The following SH3RF1 variants were observed in gnomAD, a reference collection of about 807,000 sequenced individuals.
SH3RF1 encodes the protein E3 ubiquitin-protein ligase SH3RF1.
SH3RF1 carries 32 observed loss-of-function variants against 74.0 expected under a neutral mutation model. The ratio of observed to expected loss-of-function variants is 0.43; its 90% CI spans 0.33 to 0.58. The LOEUF (loss-of-function observed/expected upper bound fraction) is 0.58, where lower values mean the gene tolerates loss of function less well. Ranked by LOEUF, SH3RF1 falls within the 20% of genes least tolerant of loss-of-function variation. SH3RF1 has a pLI of 0.05. For missense variants in SH3RF1, 954 were observed against 1,130.9 expected (o/e 0.84, Z 2.24); for synonymous variants, 396 against 439.6 (o/e 0.90, Z 1.24).
Position 169,153,293 on chromosome 4 carries a change from T to G in SH3RF1, c.765+2187A>C, listed in dbSNP as rs78862748. On this transcript the variant is annotated intron_variant, in intron 4 of 11. Coordinates refer to ENST00000284637, the MANE Select transcript of SH3RF1 (RefSeq NM_020870.4). ...TCTCATTCAATCTTCTCCAAACTTCTAGGAGATAACAGTTTTTGGCAGGAC... is the reference window on the plus strand; with the variant it reads ...TCTCATTCAATCTTCTCCAAACTTCGAGGAGATAACAGTTTTTGGCAGGAC... Among the ~76,000 whole-genome samples the G allele has an allele frequency of 3.3e-5, 5 of 152,252 alleles. No homozygotes were observed. The East Asian group carries it at 9.6e-4, about 29-fold the overall frequency.
intron 11 of SH3RF1, among the ~76,000 whole-genome samples, chr4:169,106,532 A>G (rs1342973081): frequency 6.6e-6 from 1 of 152,174 alleles, no homozygotes; most frequent in Non-Finnish European, 1.5e-5. Context: ...CGGAATAGAA[A>G]TAAGAAAGAA....
intron 4 of SH3RF1, among the ~76,000 whole-genome samples, chr4:169,144,092 C>T (rs1281199133): frequency 5.9e-5 from 9 of 152,120 alleles, no homozygotes; most frequent in Admixed American, 3.9e-4. Flanking sequence ...CCTAGCTGTA[C>T]AAAATGGGAA....
intron 9 of SH3RF1, among the ~76,000 whole-genome samples, chr4:169,117,072 G>A (rs1364011412): frequency 1.3e-5 from 2 of 152,040 alleles, no homozygotes; most frequent in Non-Finnish European, 2.9e-5. Flanking sequence ...CATCCCATTA[G>A]TTACCCAAGA....
chr4:169,159,044 T>C (rs577480639), intron 2 of SH3RF1, among the ~76,000 whole-genome samples: 1 of 152,338 alleles, frequency 6.6e-6, no homozygotes, highest in South Asian at 2.1e-4. Context: ...CACCCTCCTG[T>C]GACCTCTGAC....
At chr4:169,108,121 C>G (rs1733177956) in intron 10 of SH3RF1, among the ~76,000 whole-genome samples, 2 of 152,162 alleles carry the variant, frequency 1.3e-5, no homozygotes, top group African/African-American at 2.4e-5. Flanking sequence ...TTCTGATGAC[C>G]AAGCTTAACA....
At chr4:169,130,232 G>A in intron 5 of SH3RF1, 76 bp from the exon 6 acceptor site, 1 of 1,037,294 alleles carries the variant, frequency 9.6e-7, no homozygotes, top group Non-Finnish European at 1.3e-6. Flanking sequence ...ACCTTAGAAA[G>A]GCAAGTCACA....
intron 2 of SH3RF1, among the ~76,000 whole-genome samples, chr4:169,182,905 A>G (rs1376846368): frequency 6.6e-6 from 1 of 152,148 alleles, no homozygotes; most frequent in Admixed American, 6.5e-5. Flanking sequence ...TTTTGCCAAA[A>G]CTACTGAAGT....
chr4:169,226,949 T>C (rs1180963479), intron 2 of SH3RF1, among the ~76,000 whole-genome samples: 2 of 152,162 alleles, frequency 1.3e-5, no homozygotes, highest in Non-Finnish European at 1.5e-5. Context: ...GGAGGATCAC[T>C]TGGGGCCAAG....
intron 2 of SH3RF1, among the ~76,000 whole-genome samples, chr4:169,221,452 G>T (rs888651201): frequency 6.6e-6 from 1 of 152,090 alleles, no homozygotes. Context: ...AACTTGCTGG[G>T]TCTGATCCCT....
In SH3RF1 at chr4:169,099,843, T is replaced by TG. The variant is rs199598827; in HGVS notation, c.2499-3157dup. On this transcript the variant is annotated intron_variant, in intron 11 of 11. Transcript: ENST00000284637. Reference sequence around the variant, plus strand: ...TTCATTGCTAAGTTTTATAAACCTCTGGGGGGGCGGGTGGAATGAGAAACT... The same window carrying TG: ...TTCATTGCTAAGTTTTATAAACCTCTGGGGGGGGCGGGTGGAATGAGAAACT... 1.7e-3 allele frequency among the ~76,000 whole-genome samples: 262 copies of TG among 152,170 alleles called. 1 individual carries two copies. The highest frequency in any genetic ancestry group is 5.6e-3 in the African/African-American group (233 of 41,522).
chr4:169,210,313 T>C (rs1278185887), intron 2 of SH3RF1, among the ~76,000 whole-genome samples: 1 of 152,232 alleles, frequency 6.6e-6, no homozygotes, highest in African/African-American at 2.4e-5. Flanking sequence ...ATTTGAAAAC[T>C]GAACTTTACC....
Position 169,096,256 on chromosome 4 carries a change from A to G in SH3RF1, c.*263T>C, listed in dbSNP as rs903205439. 3 of 288,430 alleles carry G rather than the reference A, an allele frequency of 1.0e-5. No homozygotes were observed. The Admixed American group carries it at 1.6e-4, about 15-fold the overall frequency. The allele number at this position is 288,430 out of a possible 1,614,324, so 17.9% of individuals were successfully genotyped here. A position where few individuals can be genotyped will look rare whatever the true frequency, so the allele number is the denominator to read the frequency against. On this transcript the variant is annotated 3_prime_UTR_variant, in exon 12 of 12. Coordinates refer to ENST00000284637, the MANE Select transcript of SH3RF1 (RefSeq NM_020870.4). ...TTGTCCATTTTAGTCATATATCTTA[A>G]AAAAAAAAAAAAGTTTCTCTGTGTA...
At chr4:169,200,203 C>A (rs1734885433) in intron 2 of SH3RF1, among the ~76,000 whole-genome samples, 2 of 152,132 alleles carry the variant, frequency 1.3e-5, no homozygotes, top group African/African-American at 2.4e-5. Context: ...ATGAACCCAT[C>A]ATATAGTCAG....
chr4:169,269,095 T>C lies in SH3RF1; in HGVS notation c.118A>G (p.Ile40Val), dbSNP rs1215457572. ...HTFCKRCLLG[I>V]VGSRNELRCP... ...CTGAGTTCATTTCGAGAACCTACGA[T>C]CCCCAGCAAACATCGCTTGCAAAAC... The change falls in exon 2 of 12, where the codon ATC becomes GTC. Residue 40 changes from isoleucine to valine, a missense_variant. By Grantham distance (29) the Ile-to-Val change is conservative (BLOSUM62 3). Around this residue, in one of 3 missense-constraint regions of SH3RF1, gnomAD observed 64 missense variants for 101.9 expected, o/e 0.63. Transcript: ENST00000284637. 2 of 1,614,014 alleles carry C rather than the reference T, an allele frequency of 1.2e-6. No individual in the cohort carries two copies. Among genetic ancestry groups the C allele is most frequent in the Non-Finnish European group, 1.7e-6 (2 of 1,180,036 alleles).
intron 2 of SH3RF1, among the ~76,000 whole-genome samples, chr4:169,231,121 T>C (rs1289011003): frequency 6.6e-6 from 1 of 152,206 alleles, no homozygotes; most frequent in Non-Finnish European, 1.5e-5. Flanking sequence ...CATGGGGTTG[T>C]TGTGAGAATT....
At chr4:169,180,812 A>G (rs1235449449) in intron 2 of SH3RF1, among the ~76,000 whole-genome samples, 2 of 152,226 alleles carry the variant, frequency 1.3e-5, no homozygotes, top group African/African-American at 4.8e-5. Flanking sequence ...AAGTAAACCC[A>G]CCACTTTTAG....
At chr4:169,182,397 T>G (rs763848717) in intron 2 of SH3RF1, among the ~76,000 whole-genome samples, 1 of 152,236 alleles carries the variant, frequency 6.6e-6, no homozygotes, top group Non-Finnish European at 1.5e-5. Context: ...TCAGCACATA[T>G]ATAATTAAGA....
At chr4:169,112,946 G>A (rs1258136353) in intron 10 of SH3RF1, among the ~76,000 whole-genome samples, 1 of 152,146 alleles carries the variant, frequency 6.6e-6, no homozygotes, top group Non-Finnish European at 1.5e-5. Context: ...TGAGTGAAGA[G>A]TTGGGATTTA....
At chr4:169,166,169 T>G (rs1734239406) in intron 2 of SH3RF1, 1 of 151,202 alleles carries the variant, frequency 6.6e-6, no homozygotes, top group Non-Finnish European at 1.5e-5. Context: ...GATTGGGAAA[T>G]ATATATATAT....
Sources: allele counts gnomAD v4.1 joint callset (sites outside exome capture counted in the v4.1 genomes callset), GRCh38; gene constraint gnomAD v4.1.1; regional missense constraint gnomAD v4.1.1; transcripts MANE v1.5; gene names NCBI Gene and HGNC (gene_info 2026-07-23, HGNC 2026-07-21).